CASKIN1: variants seen among roughly 807,000 people sequenced by gnomAD.
The protein encoded by CASKIN1 is CASK interacting protein 1.
Under a neutral mutation model 117.5 loss-of-function variants are expected in CASKIN1, and 42 were observed. The observed-to-expected ratio is 0.36, with a 90% CI of 0.28 to 0.46. The LOEUF (loss-of-function observed/expected upper bound fraction) is 0.46. Ranked by LOEUF, CASKIN1 falls within the 20% of genes least tolerant of loss-of-function variation. The pLI is 1.00. For synonymous variants in CASKIN1, 1,148 were observed against 961.7 expected (o/e 1.19, Z -3.59); for missense variants, 2,083 against 2,077.3 (o/e 1.00, Z -0.05).
In CASKIN1 at chr16:2,183,950, C is replaced by T. The variant is rs1240253396; in HGVS notation, c.1417-9G>A. The T allele has an allele frequency of 3.2e-6, 5 of 1,574,954 alleles. No individual in the cohort carries two copies. The African/African-American group carries it at 6.7e-5, about 21-fold the overall frequency. On this transcript the variant is annotated splice_polypyrimidine_tract_variant and intron_variant, in intron 14 of 19. Transcript: ENST00000343516. ...CTCACGGCCTCAGAGCTCTGGAAGA[C>T]ACAAGGCACCCACTGCAGGCTCGCC...
At chr16:2,183,256 C>T (rs553415338) in intron 16 of CASKIN1, among the ~76,000 whole-genome samples, 15 of 152,318 alleles carry the variant, frequency 9.8e-5, no homozygotes, top group South Asian at 2.1e-4. Context: ...GTGGCTGGCA[C>T]GTACCTGGGT....
intron 1 of CASKIN1, among the ~76,000 whole-genome samples, chr16:2,190,944 G>A (rs1035531803): frequency 3.3e-5 from 5 of 152,306 alleles, no homozygotes; most frequent in Admixed American, 2.6e-4. Flanking sequence ...GCAACCTCAC[G>A]CGAACGGCTG....
At chr16:2,178,879 G>T (rs1468475000) in intron 19 of CASKIN1, 23 bp downstream of exon 19, 1 of 1,391,428 alleles carries the variant, frequency 7.2e-7, no homozygotes, top group Non-Finnish European at 9.2e-7. Context: ...CCCTCCGCCC[G>T]CCAGGCCCCG....
chr16:2,194,271 G>A (rs1364845728), intron 1 of CASKIN1, among the ~76,000 whole-genome samples: 2 of 152,182 alleles, frequency 1.3e-5, no homozygotes, highest in Non-Finnish European at 2.9e-5. Flanking sequence ...AGAGGGAAGA[G>A]TGGGTCCCTC....
At position 2,186,824 on chromosome 16, in the gene CASKIN1, C is replaced by T. The variant is rs1168309085; in HGVS notation, c.931G>A (p.Val311Ile). The stretch of plus-strand genomic sequence containing the variant: ...CGGCCATCCGGATGCTGCTCGAGGA[C>T]CTGGCCAGTAAGGTGGGGGGCGCTC... ...LNVKAGDIIT[V>I]LEQHPDGRWK... Residue 311 changes from valine to isoleucine, a missense_variant and splice_region_variant, in exon 10 of 20, where the codon GTC becomes ATC. Physicochemically the swap from Val to Ile is conservative, Grantham distance 29. This residue lies in a region of CASKIN1 where 1,818 missense variants were observed against 1,688.9 expected (regional missense o/e 1.08). Coordinates refer to ENST00000343516, the MANE Select transcript of CASKIN1 (RefSeq NM_020764.4). 6.2e-7 allele frequency: 1 copy of T among 1,612,842 alleles called. No individual in the cohort carries two copies. Among genetic ancestry groups the T allele is most frequent in the Non-Finnish European group, 8.5e-7 (1 of 1,179,832 alleles).
At position 2,187,017 on chromosome 16, in the gene CASKIN1, G is replaced by A; in HGVS notation, c.891C>T (p.Asp297=). ...CTGCCTTCACGTTGAGGCTGGTCAG[G>A]TCGTAATTGTTGCAATAATCCTTGG... ...RATKDYCNNY[D]LTSLNVKAGD... The change falls in exon 9 of 20, where the codon GAC becomes GAT. Residue 297 remains aspartate, a synonymous_variant. Coordinates refer to ENST00000343516, the MANE Select transcript of CASKIN1 (RefSeq NM_020764.4). 2 of 1,613,838 alleles carry A rather than the reference G, an allele frequency of 1.2e-6. No homozygotes were observed. Among genetic ancestry groups the A allele is most frequent in the East Asian group, 2.2e-5 (1 of 44,856 alleles).
chr16:2,181,767 CG>C, intron 17 of CASKIN1, 23 bp downstream of exon 17: 1 of 1,607,036 alleles, frequency 6.2e-7, no homozygotes, highest in Non-Finnish European at 8.5e-7. Context: ...GGGCTGGGGA[CG>C]AGGGCTGGGG....
At position 2,179,075 on chromosome 16, in the gene CASKIN1, G is replaced by A. The variant is rs1183762433; in HGVS notation, c.4026C>T (p.Pro1342=). The part of the protein sequence containing the change: ...GAPALHVPAK[P]PRAAAAAAAA... Reference sequence around the variant, plus strand: ...CGGCGGCGGCGGCGGCGGCTCGCGGGGGCTTGGCGGGCACGTGCAGCGCGG... The same window carrying A: ...CGGCGGCGGCGGCGGCGGCTCGCGGAGGCTTGGCGGGCACGTGCAGCGCGG... Residue 1342 remains proline, a synonymous_variant, in exon 19 of 20, where the codon CCC becomes CCT. Transcript: ENST00000343516. This position sits in a 1 kb window ranked among gnomAD's most constrained non-coding sequence, Gnocchi z 5.8. The A allele has an allele frequency of 7.3e-5, 72 of 986,332 alleles. No homozygotes were observed. In the East Asian group the frequency reaches 3.9e-3, roughly 54 times the overall value. The allele number at this position is 986,332 out of a possible 1,614,324, so 61.1% of individuals were successfully genotyped here.
At chr16:2,185,781 C>T (rs2093182538) in intron 10 of CASKIN1, among the ~76,000 whole-genome samples, 1 of 152,238 alleles carries the variant, frequency 6.6e-6, no homozygotes, top group South Asian at 2.1e-4. Context: ...CCCTGCCTGT[C>T]AACCTCCAGG....
Position 2,180,685 on chromosome 16 carries a change from G to T in CASKIN1, c.2683C>A (p.Arg895=). The change falls in exon 18 of 20, where the codon CGG becomes AGG. Residue 895 remains arginine (R), a synonymous_variant. Coordinates refer to ENST00000343516, the MANE Select transcript of CASKIN1 (RefSeq NM_020764.4). ...RYAASDSEPE[R]DELLVPAAAG... ...GCCGCAGGCACCAGCAGCTCGTCCC[G>T]CTCCGGCTCGCTGTCGGACGCCGCA... is the stretch of plus-strand genomic sequence containing the variant. 1 of 1,503,078 alleles carries T rather than the reference G, an allele frequency of 6.7e-7. No homozygotes were observed. The highest frequency in any genetic ancestry group is 8.8e-7 in the Non-Finnish European group (1 of 1,131,572). The allele number at this position is 1,503,078 out of a possible 1,614,324, so 93.1% of individuals were successfully genotyped here.
chr16:2,183,095 G>A (rs1422004011), intron 16 of CASKIN1, among the ~76,000 whole-genome samples: 1 of 152,228 alleles, frequency 6.6e-6, no homozygotes, highest in African/African-American at 2.4e-5. Flanking sequence ...CCGCACCTCC[G>A]TGTTAATGAC....
rs778143415 is a variant in CASKIN1 at position 2,181,229 on chromosome 16, C to A, written c.2139G>T (p.Gly713=). 6.3e-7 allele frequency: 1 copy of A among 1,593,566 alleles called. No homozygotes were observed. Among genetic ancestry groups the A allele is most frequent in the South Asian group, 1.1e-5 (1 of 90,364 alleles). The change falls in exon 18 of 20, where the codon GGG becomes GGT. Residue 713 remains glycine (G), a synonymous_variant. Transcript: ENST00000343516. ...ACATGGGGCTGCTGGGCCCAGGGGG[C>A]CCATCTCCCAGCAGCTCCTGCGAGC... The part of the protein sequence containing the change: ...MSSSQELLGD[G]PPGPSSPMSR...
In CASKIN1 at chr16:2,178,812, A is replaced by C. The variant is rs1383800036; in HGVS notation, c.4199+90T>G. 3.1e-6 allele frequency: 4 copies of C among 1,291,768 alleles called. No individual in the cohort carries two copies. In the East Asian group the frequency reaches 9.5e-5, roughly 31 times the overall value. The allele number at this position is 1,291,768 out of a possible 1,614,324, so 80.0% of individuals were successfully genotyped here. A position where few individuals can be genotyped will look rare whatever the true frequency, so the allele number is the denominator to read the frequency against. On this transcript the variant is annotated intron_variant, in intron 19 of 19. Transcript: ENST00000343516. ...CGCCCATCTCTGCCGAGCCCCGCCC[A>C]TCTCTGCCGAGCCCCGCCCATCTCT...
chr16:2,180,680 G>A lies in CASKIN1; in HGVS notation c.2688C>T (p.Asp896=), dbSNP rs200500431. The A allele has an allele frequency of 1.6e-3, 2,372 of 1,509,086 alleles. 28 individuals carry two copies. In the African/African-American group the frequency reaches 0.027, roughly 17 times the overall value. 93.5% of individuals were successfully genotyped at this position (1,509,086 alleles called of 1,614,324 possible). Residue 896 remains aspartate (D), a synonymous_variant, in exon 18 of 20, where the codon GAC becomes GAT. Transcript: ENST00000343516. ...YAASDSEPER[D]ELLVPAAAGP... ...CGGCAGCCGCAGGCACCAGCAGCTC[G>A]TCCCGCTCCGGCTCGCTGTCGGACG... is the stretch of plus-strand genomic sequence containing the variant.
At chr16:2,194,566 A>C (rs1462807606) in intron 1 of CASKIN1, among the ~76,000 whole-genome samples, 1 of 152,200 alleles carries the variant, frequency 6.6e-6, no homozygotes, top group Non-Finnish European at 1.5e-5. Flanking sequence ...GCCCAAACTC[A>C]GCTGTACTTT....
Position 2,190,118 on chromosome 16 carries a change from G to A in CASKIN1, c.199C>T (p.Leu67=), listed in dbSNP as rs376672614. The A allele has an allele frequency of 5.0e-6, 8 of 1,612,950 alleles. No individual in the cohort carries two copies. Among genetic ancestry groups the A allele is most frequent in the African/African-American group, 1.3e-5 (1 of 75,054 alleles). ...ALNGNTELIS[L]LLEAQAAVDI... is the part of the protein sequence containing the mutation. ...ACAGCGGCCTGGGCCTCCAGCAGCA[G>A]GCTGATCAATTCCGTGTTGCCGTTC... is the stretch of plus-strand genomic sequence containing the variant. Residue 67 remains leucine (L), a synonymous_variant, in exon 3 of 20, where the codon CTG becomes TTG. Coordinates refer to ENST00000343516, the MANE Select transcript of CASKIN1 (RefSeq NM_020764.4).
rs1214865232 is a variant in CASKIN1, at chr16:2,179,098, C to A, written c.4003G>T (p.Ala1335Ser). 1 of 981,518 alleles carries A rather than the reference C, an allele frequency of 1.0e-6. No homozygotes were observed. Among genetic ancestry groups the A allele is most frequent in the East Asian group, 1.1e-4 (1 of 8,838 alleles). 60.8% of individuals were successfully genotyped at this position (981,518 alleles called of 1,614,324 possible). A position where few individuals can be genotyped will look rare whatever the true frequency, so the allele number is the denominator to read the frequency against. Residue 1335 changes from alanine to serine, a missense_variant, in exon 19 of 20, where the codon GCG becomes TCG. Physicochemically the swap from Ala to Ser is moderately conservative, Grantham distance 99. Coordinates refer to ENST00000343516, the MANE Select transcript of CASKIN1 (RefSeq NM_020764.4). This position sits in a 1 kb window ranked among gnomAD's most constrained non-coding sequence, Gnocchi z 5.8. Reference protein sequence around the residue: ...PAKPPSPGAPALHVPAKPPRA... With the variant: ...PAKPPSPGAPSLHVPAKPPRA... ...GGGGGCTTGGCGGGCACGTGCAGCG[C>A]GGGCGCGCCGGGGGACGGGGGCTTG... is the stretch of plus-strand genomic sequence containing the variant.
At position 2,178,977 on chromosome 16, in the gene CASKIN1, T is replaced by C; in HGVS notation, c.4124A>G (p.Glu1375Gly). The change falls in exon 19 of 20, where the codon GAG becomes GGG. Residue 1375 changes from glutamate to glycine, a missense_variant. Glu to Gly is a moderately conservative substitution (Grantham distance 98). Coordinates refer to ENST00000343516, the MANE Select transcript of CASKIN1 (RefSeq NM_020764.4). ...CGCCGCGGCCAGGCACGCGCTTGTC[T>C]CCTCCAGTTTCTGCCGGGCGCTGTC... ...PGDSARQKLE[E>G]TSACLAAALQ... 1.4e-6 allele frequency: 2 copies of C among 1,432,456 alleles called. No homozygotes were observed. Among genetic ancestry groups the C allele is most frequent in the South Asian group, 2.8e-5 (2 of 70,370 alleles). The allele number at this position is 1,432,456 out of a possible 1,614,324, so 88.7% of individuals were successfully genotyped here. A position where few individuals can be genotyped will look rare whatever the true frequency, so the allele number is the denominator to read the frequency against.
intron 1 of CASKIN1, among the ~76,000 whole-genome samples, chr16:2,193,729 G>A (rs990388725): frequency 1.3e-5 from 2 of 152,260 alleles, no homozygotes; most frequent in Non-Finnish European, 2.9e-5. Flanking sequence ...CATGTGAGGA[G>A]GGGTGCCTTA....
Sources: allele counts gnomAD v4.1 joint callset (sites outside exome capture counted in the v4.1 genomes callset), GRCh38; gene constraint gnomAD v4.1.1; regional missense constraint gnomAD v4.1.1; non-coding constraint Gnocchi (gnomAD v3.1); transcripts MANE v1.5; gene names NCBI Gene and HGNC (gene_info 2026-07-23, HGNC 2026-07-21).